The following AREL1 variants were observed in gnomAD, a reference collection of about 807,000 sequenced individuals.
AREL1 encodes the protein apoptosis-resistant E3 ubiquitin protein ligase 1.
A neutral mutation model predicts 99.0 loss-of-function variants in AREL1; 62 were observed. The observed-to-expected ratio is 0.63, with a 90% confidence interval of 0.51 to 0.77. AREL1 has a LOEUF of 0.77. Among genes scored for constraint, AREL1 ranks in the 30% least tolerant of loss-of-function variants. AREL1 has a pLI of 0.00. For missense variants in AREL1, 879 were observed against 1,027.6 expected (o/e 0.86, Z 1.98); for synonymous variants, 380 against 376.5 (o/e 1.01, Z -0.11).
At chr14:74,670,193 T>C in intron 13 of AREL1, 67 bp from the exon 14 acceptor site, 1 of 1,464,380 alleles carries the variant, frequency 6.8e-7, no homozygotes, top group South Asian at 1.4e-5. Context: ...GAAGGACCCT[T>C]CCTTCCCCAA....
At chr14:74,707,396 A>C (rs1346288706) in intron 1 of AREL1, among the ~76,000 whole-genome samples, 6 of 142,580 alleles carry the variant, frequency 4.2e-5, no homozygotes, top group African/African-American at 2.6e-5. Context: ...GGCACAGTGG[A>C]TCACACCGGT....
chr14:74,695,072 CTTTTT>C (rs1248011436), intron 1 of AREL1, among the ~76,000 whole-genome samples: 1 of 126,074 alleles, frequency 7.9e-6, no homozygotes, highest in Non-Finnish European at 1.7e-5. Flanking sequence ...TTCTTTCCTT[CTTTTT>C]TTTTTTTTTT....
chr14:74,672,311 T>C (rs956853152), intron 11 of AREL1, among the ~76,000 whole-genome samples: 1 of 151,186 alleles, frequency 6.6e-6, no homozygotes, highest in African/African-American at 2.5e-5. Context: ...TAGAATCAAA[T>C]AGAAGAACAG....
In AREL1 at chr14:74,676,177, T is replaced by C. The variant is rs760216411; in HGVS notation, c.796A>G (p.Ile266Val). ...ATAATGTCAAATTCACCATTATTGATTGGCTGATTTTGGTATGAAATGCAA... is the reference window on the plus strand; with the variant it reads ...ATAATGTCAAATTCACCATTATTGACTGGCTGATTTTGGTATGAAATGCAA... ...HACISYQNQP[I>V]NNGEFDIIVL... Residue 266 changes from isoleucine to valine, a missense_variant, in exon 7 of 20, where the codon ATC becomes GTC. Ile to Val is a conservative substitution (Grantham distance 29, BLOSUM62 3). Coordinates refer to ENST00000356357, the MANE Select transcript of AREL1 (RefSeq NM_001039479.2). The C allele has an allele frequency of 3.1e-6, 5 of 1,613,920 alleles. No individual in the cohort carries two copies. Among genetic ancestry groups the C allele is most frequent in the East Asian group, 2.2e-5 (1 of 44,884 alleles).
At chr14:74,668,931 G>A (rs1055878388) in intron 15 of AREL1, among the ~76,000 whole-genome samples, 21 of 152,152 alleles carry the variant, frequency 1.4e-4, no homozygotes, top group Non-Finnish European at 1.6e-4. Flanking sequence ...AGGCTGGAGT[G>A]CAGTGGTGCA....
At chr14:74,703,650 T>C (rs748731246) in intron 1 of AREL1, among the ~76,000 whole-genome samples, 4 of 152,240 alleles carry the variant, frequency 2.6e-5, no homozygotes, top group Non-Finnish European at 5.9e-5. Flanking sequence ...TTCATACATG[T>C]TGTTACACAT....
At chr14:74,672,707 C>G in intron 11 of AREL1, 124 bp downstream of exon 11, 8 of 1,363,328 alleles carry the variant, frequency 5.9e-6, no homozygotes, top group African/African-American at 1.4e-5. Context: ...TGCACCCCAG[C>G]CTGGGCAATA....
At chr14:74,667,768 T>A (rs971594409) in intron 15 of AREL1, among the ~76,000 whole-genome samples, 174 bp from the exon 16 acceptor site, 1 of 152,208 alleles carries the variant, frequency 6.6e-6, no homozygotes, top group Non-Finnish European at 1.5e-5. Context: ...GTTCCTAAGC[T>A]TCAGGGTTCC....
Position 74,683,384 on chromosome 14 carries a change from A to G in AREL1, c.393T>C (p.Thr131=), listed in dbSNP as rs2089676862. 6.2e-7 allele frequency: 1 copy of G among 1,614,030 alleles called. No individual in the cohort carries two copies. The highest frequency in any genetic ancestry group is 2.2e-5 in the East Asian group (1 of 44,894). Residue 131 remains threonine, a synonymous_variant, in exon 5 of 20, where the codon ACT becomes ACC. Transcript: ENST00000356357. ...TTTCATAACGCCCAGCCTTGCGCAC[A>G]GTGAAGGCCACTTTTACTACGTTGG... is the stretch of plus-strand genomic sequence containing the variant. ...PNSNVVKVAF[T]VRKAGRYEIT...
rs146677684 is a variant in AREL1, at chr14:74,683,868, T to C, written c.244-335A>G. Reference sequence around the variant, plus strand: ...TCTTACCAGCCCTTTATATTATCAATGCTAACCCAAATTTAAAGGTAAGTT... The same window carrying C: ...TCTTACCAGCCCTTTATATTATCAACGCTAACCCAAATTTAAAGGTAAGTT... On this transcript the variant is annotated intron_variant, in intron 4 of 19. Coordinates refer to ENST00000356357, the MANE Select transcript of AREL1 (RefSeq NM_001039479.2). 1.9e-3 allele frequency among the ~76,000 whole-genome samples: 293 copies of C among 152,322 alleles called. 1 individual carries two copies. The highest frequency in any genetic ancestry group is 6.9e-3 in the African/African-American group (286 of 41,572).
At chr14:74,699,350 T>G (rs184077830) in intron 1 of AREL1, among the ~76,000 whole-genome samples, 75 of 132,220 alleles carry the variant, frequency 5.7e-4, no homozygotes, top group Admixed American at 2.2e-3. Flanking sequence ...CAGTGAGGGG[T>G]GTGTGTGTGT....
chr14:74,669,724 G>A lies in AREL1; in HGVS notation c.1839C>T (p.Ile613=). 2 of 1,614,104 alleles carry A rather than the reference G, an allele frequency of 1.2e-6. No individual in the cohort carries two copies. Among genetic ancestry groups the A allele is most frequent in the Non-Finnish European group, 1.7e-6 (2 of 1,180,000 alleles). Residue 613 remains isoleucine (I), a synonymous_variant, in exon 15 of 20, where the codon ATC becomes ATT. Transcript: ENST00000356357. ...PEFYKSKVCF[I]LNNDMSEMEL... Reference sequence around the variant, plus strand: ...CCATCTCACTCATGTCATTGTTGAGGATAAAACAAACTTTAGATTTGTAGA... The same window carrying A: ...CCATCTCACTCATGTCATTGTTGAGAATAAAACAAACTTTAGATTTGTAGA...
At chr14:74,676,419 C>A in intron 6 of AREL1, 98 bp from the exon 7 acceptor site, 1 of 1,468,120 alleles carries the variant, frequency 6.8e-7, no homozygotes, top group Non-Finnish European at 9.2e-7. Context: ...ATGATCTAAT[C>A]TAAATCACAA....
intron 6 of AREL1, 113 bp downstream of exon 6, chr14:74,676,460 AAGATACAGAC>A: frequency 2.8e-6 from 4 of 1,407,272 alleles, no homozygotes; most frequent in Non-Finnish European, 3.9e-6. Flanking sequence ...TTGTCAGATG[AAGATACAGAC>A]AGCACAGAAG....
At chr14:74,690,776 C>CT (rs1188271964) in intron 2 of AREL1, among the ~76,000 whole-genome samples, 2 of 152,138 alleles carry the variant, frequency 1.3e-5, no homozygotes, top group Admixed American at 6.5e-5. Flanking sequence ...TATTGTGATA[C>CT]TTTAAGCTAG....
intron 1 of AREL1, among the ~76,000 whole-genome samples, chr14:74,706,600 C>G (rs2090183786): frequency 1.3e-5 from 2 of 152,020 alleles, no homozygotes; most frequent in Admixed American, 1.3e-4. Context: ...TTCTGTTGAC[C>G]TAATAATCAG....
intron 1 of AREL1, among the ~76,000 whole-genome samples, chr14:74,710,829 C>T (rs113375976): frequency 1.2e-4 from 19 of 152,248 alleles, no homozygotes; most frequent in African/African-American, 3.6e-4. Context: ...AAGTTTACAC[C>T]CAAATCAACA....
chr14:74,683,766 G>C (rs369011085), intron 4 of AREL1, among the ~76,000 whole-genome samples: 1 of 152,190 alleles, frequency 6.6e-6, no homozygotes, highest in Admixed American at 6.5e-5. Flanking sequence ...CAGAGGACAA[G>C]GGTAGAATTT....
intron 2 of AREL1, among the ~76,000 whole-genome samples, chr14:74,691,774 T>C (rs1001546742): frequency 5.9e-5 from 9 of 152,344 alleles, no homozygotes; most frequent in African/African-American, 2.2e-4. Flanking sequence ...TCTAAAATCC[T>C]CTGCTTTTTC....
Sources: gnomAD v4.1 joint callset for allele counts (sites outside exome capture counted in the v4.1 genomes callset) on GRCh38, gnomAD v4.1.1 for gene constraint, MANE v1.5 for transcripts, NCBI Gene and HGNC (gene_info 2026-07-23, HGNC 2026-07-21) for gene names.